The following STRIP1 variants were observed in gnomAD, a reference collection of about 807,000 sequenced individuals.
STRIP1 encodes striatin interacting protein 1.
In STRIP1, 63 loss-of-function variants were observed where a neutral mutation model predicts 106.2. The observed-to-expected ratio is 0.59, with a 90% CI of 0.48 to 0.73. The LOEUF is 0.73. Ranked by LOEUF, STRIP1 falls within the 30% of genes least tolerant of loss-of-function variation. The pLI, the probability that STRIP1 is intolerant of heterozygous loss-of-function variation, is 0.00. For synonymous variants in STRIP1, 390 were observed against 413.0 expected (o/e 0.94, Z 0.67); for missense variants, 857 against 1,074.8 (o/e 0.80, Z 2.83).
chr1:110,043,005 A>C (rs1652837071), intron 8 of STRIP1, 83 bp from the exon 9 acceptor site: 1 of 1,352,864 alleles, frequency 7.4e-7, no homozygotes, highest in Non-Finnish European at 1.0e-6. Context: ...TGATGTCATG[A>C]ATGTTTCTGA....
chr1:110,038,801 A>G, intron 3 of STRIP1, 44 bp downstream of exon 3: 2 of 1,559,920 alleles, frequency 1.3e-6, no homozygotes, highest in Non-Finnish European at 1.8e-6. Flanking sequence ...GCCCTGCATA[A>G]CGAGAGCTGC....
Position 110,043,253 on chromosome 1 carries a change from G to A in STRIP1, c.1051G>A (p.Gly351Ser), listed in dbSNP as rs780691814. 6.2e-7 allele frequency: 1 copy of A among 1,611,490 alleles called. No homozygotes were observed. Among genetic ancestry groups the A allele is most frequent in the Non-Finnish European group, 8.5e-7 (1 of 1,180,022 alleles). The change falls in exon 9 of 21, where the codon GGC (glycine) becomes AGC (serine). Residue 351 changes from glycine (G) to serine (S), a missense_variant. By Grantham distance (56) the Gly-to-Ser change is moderately conservative. Around this residue, in one of 2 missense-constraint regions of STRIP1, gnomAD observed 750 missense variants for 989.8 expected, o/e 0.76. Transcript: ENST00000369795. ...CTTGATTGAGCAGCAGCAGAAACGG[G>A]GCCGCCGAGAGCACAAGGTGAGGAC... ...SDLIEQQQKR[G>S]RREHKALIKQ...
At chr1:110,038,969 CAT>C (rs775323289) in intron 3 of STRIP1, 41 of 745,056 alleles carry the variant, frequency 5.5e-5, no homozygotes, top group African/African-American at 1.1e-4. Flanking sequence ...AAAAAAAAAT[CAT>C]GTGATTAAAA....
intron 18 of STRIP1, among the ~76,000 whole-genome samples, 198 bp downstream of exon 18, chr1:110,050,607 G>A (rs898562119): frequency 2.0e-5 from 3 of 152,198 alleles, no homozygotes; most frequent in Non-Finnish European, 4.4e-5. Context: ...TTGGATTTAG[G>A]GATTAGTCAG....
At chr1:110,044,574 T>C (rs1452963178) in intron 10 of STRIP1, among the ~76,000 whole-genome samples, 1 of 152,286 alleles carries the variant, frequency 6.6e-6, no homozygotes, top group African/African-American at 2.4e-5. Context: ...GAATAAAGCA[T>C]GTTTTTAAGT....
intron 17 of STRIP1, chr1:110,049,976 G>A (rs929047255): frequency 4.2e-5 from 14 of 337,296 alleles, no homozygotes; most frequent in Non-Finnish European, 6.1e-5. Flanking sequence ...TTACTTGCTC[G>A]TCAGTGTGAT....
chr1:110,034,655 C>T lies in STRIP1; in HGVS notation c.18C>T (p.Gly6=), dbSNP rs370286507. 15 of 1,520,808 alleles carry T rather than the reference C, an allele frequency of 9.9e-6. No individual in the cohort carries two copies. In the African/African-American group the frequency reaches 1.2e-4, roughly 12 times the overall value. The allele number at this position is 1,520,808 out of a possible 1,614,324, so 94.2% of individuals were successfully genotyped here. Residue 6 remains glycine (G), a synonymous_variant, in exon 1 of 21, where the codon GGC becomes GGT. Transcript: ENST00000369795. MEPAV[G]GPGPLIVNNK... The stretch of plus-strand genomic sequence containing the variant: ...CAGCCAAGATGGAGCCGGCAGTCGG[C>T]GGTCCGGGCCCACTGATCGTGAACA...
chr1:110,043,828 A>C lies in STRIP1; in HGVS notation c.1258A>C (p.Lys420Gln), dbSNP rs1652891746. 1 of 1,614,080 alleles carries C rather than the reference A, an allele frequency of 6.2e-7. No individual in the cohort carries two copies. Among genetic ancestry groups the C allele is most frequent in the Non-Finnish European group, 8.5e-7 (1 of 1,180,022 alleles). The change falls in exon 10 of 21, where the codon AAA becomes CAA. Residue 420 changes from lysine (K) to glutamine (Q), a missense_variant. Physicochemically the swap from Lys to Gln is moderately conservative, Grantham distance 53 (BLOSUM62 1). Transcript: ENST00000369795. Reference protein sequence around the residue: ...HPQTDRLTCPKGLPWAPKVRE... With the variant: ...HPQTDRLTCPQGLPWAPKVRE... The stretch of plus-strand genomic sequence containing the variant: ...ACAGACTGACAGGCTGACTTGCCCC[A>C]AAGGGCTCCCGTGGGCTCCCAAGGT...
intron 2 of STRIP1, 138 bp downstream of exon 2, chr1:110,038,098 A>G (rs1652559280): frequency 1.2e-5 from 2 of 171,318 alleles, no homozygotes; most frequent in South Asian, 1.9e-4. Flanking sequence ...ATATATATAT[A>G]TATATATATA....
chr1:110,038,008 G>A (rs1383205172), intron 2 of STRIP1, 48 bp downstream of exon 2: 1 of 1,195,758 alleles, frequency 8.4e-7, no homozygotes, highest in South Asian at 1.3e-5. Flanking sequence ...TTTCCTTATT[G>A]GTCTTTAATA....
At chr1:110,046,432 G>A (rs1237782967) in intron 12 of STRIP1, among the ~76,000 whole-genome samples, 6 of 152,144 alleles carry the variant, frequency 3.9e-5, no homozygotes, top group Non-Finnish European at 5.9e-5. Context: ...CCTGGGAGGC[G>A]GAGGTGGCAG....
chr1:110,043,377 C>A, intron 9 of STRIP1, 107 bp downstream of exon 9: 3 of 1,223,382 alleles, frequency 2.5e-6, no homozygotes, highest in African/African-American at 1.5e-5. Flanking sequence ...CTCTGATCAG[C>A]CAGTCAGAAT....
chr1:110,033,593 G>A (rs1364633596), upstream of STRIP1, among the ~76,000 whole-genome samples: 1 of 152,210 alleles, frequency 6.6e-6, no homozygotes, highest in Non-Finnish European at 1.5e-5. Context: ...AAGAGCATGT[G>A]TGCCAGCTCA....
rs530546155 is a variant in STRIP1 at position 110,041,415 on chromosome 1, A to G, written c.651-121A>G. 6.5e-5 allele frequency: 44 copies of G among 681,910 alleles called. No homozygotes were observed. In the Admixed American group the frequency reaches 6.8e-4, roughly 10 times the overall value. The allele number at this position is 681,910 out of a possible 1,614,324, so 42.2% of individuals were successfully genotyped here. On this transcript the variant is annotated intron_variant, in intron 6 of 20. Coordinates refer to ENST00000369795, the MANE Select transcript of STRIP1 (RefSeq NM_033088.4). Reference sequence around the variant, plus strand: ...CTTTTGGCCATTCTTGTTCATACTCATTTATTCAGATACCATTTATTAATA... The same window carrying G: ...CTTTTGGCCATTCTTGTTCATACTCGTTTATTCAGATACCATTTATTAATA...
In STRIP1 at chr1:110,051,751, G is replaced by A; in HGVS notation, c.2130G>A (p.Gln710=). ...RALKVKQAMM[Q]LYVLKLLKVQ... ...TAAAGGTGAAACAAGCCATGATGCA[G>A]CTCTATGTGCTGAAGCTGCTCAAGG... The change falls in exon 20 of 21, where the codon CAG becomes CAA. Residue 710 remains glutamine, a synonymous_variant. Coordinates refer to ENST00000369795, the MANE Select transcript of STRIP1 (RefSeq NM_033088.4). 6.2e-7 allele frequency: 1 copy of A among 1,613,820 alleles called. No homozygotes were observed. The highest frequency in any genetic ancestry group is 1.3e-5 in the African/African-American group (1 of 75,034).
intron 20 of STRIP1, among the ~76,000 whole-genome samples, chr1:110,053,130 C>T (rs764023074): frequency 5.3e-5 from 8 of 152,236 alleles, no homozygotes; most frequent in Admixed American, 1.3e-4. Flanking sequence ...GTGGTTCCCA[C>T]TACTAGGCCT....
intron 20 of STRIP1, among the ~76,000 whole-genome samples, chr1:110,052,157 C>A (rs184162559): frequency 6.6e-6 from 1 of 152,082 alleles, no homozygotes; most frequent in Non-Finnish European, 1.5e-5. Flanking sequence ...AGACTGTGTC[C>A]CCTCTTTTCA....
intron 5 of STRIP1, chr1:110,039,762 C>A: frequency 7.9e-7 from 1 of 1,261,060 alleles, no homozygotes; most frequent in Non-Finnish European, 1.1e-6. Flanking sequence ...CAGGCCCTGC[C>A]CAGGCCTGGG....
Position 110,051,054 on chromosome 1 carries a change from G to A in STRIP1, c.2055G>A (p.Arg685=). The A allele has an allele frequency of 1.2e-6, 2 of 1,602,348 alleles. No individual in the cohort carries two copies. Among genetic ancestry groups the A allele is most frequent in the Admixed American group, 1.7e-5 (1 of 60,006 alleles). Residue 685 remains arginine (R), a synonymous_variant, in exon 19 of 21, where the codon AGG becomes AGA. Coordinates refer to ENST00000369795, the MANE Select transcript of STRIP1 (RefSeq NM_033088.4). ...AGCTGACAAAGTGGAAGCATTCAAG[G>A]ACAATGGTAAGTGAGTCAGTGTAGT... is the stretch of plus-strand genomic sequence containing the variant. ...LNKLTKWKHS[R]TMMLVVFKSA...
Sources: gnomAD v4.1 joint callset for allele counts (sites outside exome capture counted in the v4.1 genomes callset) on GRCh38, gnomAD v4.1.1 for gene constraint, gnomAD v4.1.1 regional missense constraint, MANE v1.5 for transcripts, NCBI Gene and HGNC (gene_info 2026-07-23, HGNC 2026-07-21) for gene names.